Variants in TEAD1 observed in about 807,000 individuals in gnomAD.
The protein encoded by TEAD1 is transcriptional enhancer factor TEF-1.
A neutral mutation model predicts 54.9 loss-of-function variants in TEAD1; 9 were observed. That is an observed-to-expected ratio of 0.16 (90% confidence interval 0.10 to 0.29). The LOEUF is 0.29. TEAD1 is among the 10% of genes least tolerant of loss of function. TEAD1 has a pLI of 1.00. For missense variants in TEAD1, 387 were observed against 535.9 expected (o/e 0.72, Z 2.74); for synonymous variants, 200 against 187.8 (o/e 1.07, Z -0.53).
intron 2 of TEAD1, among the ~76,000 whole-genome samples, chr11:12,681,237 C>G (rs576236211): frequency 6.6e-6 from 1 of 152,088 alleles, no homozygotes. Flanking sequence ...TTGTCTGAGC[C>G]GAGAAATTCT....
At chr11:12,919,489 T>A (rs1242740652) in intron 10 of TEAD1, among the ~76,000 whole-genome samples, 3 of 152,172 alleles carry the variant, frequency 2.0e-5, no homozygotes, top group African/African-American at 7.2e-5. Flanking sequence ...TAGTGTTGAA[T>A]TTTTTTAATT....
At chr11:12,801,706 C>A (rs1259780840) in intron 3 of TEAD1, among the ~76,000 whole-genome samples, 1 of 152,162 alleles carries the variant, frequency 6.6e-6, no homozygotes, top group African/African-American at 2.4e-5. Context: ...GTTGGACTTT[C>A]CTGAAGATGT....
chr11:12,795,945 G>C (rs540713304), intron 3 of TEAD1, among the ~76,000 whole-genome samples: 1 of 152,200 alleles, frequency 6.6e-6, no homozygotes, highest in Non-Finnish European at 1.5e-5. Flanking sequence ...AAGCTGCCCA[G>C]ATTATTCTGA....
chr11:12,883,788 T>C (rs4757961), intron 9 of TEAD1, among the ~76,000 whole-genome samples: 95,309 of 151,222 alleles, frequency 0.63, 30,731 homozygotes, highest in East Asian at 0.98. Flanking sequence ...CCGAGGCAGG[T>C]GGATCACGAG....
chr11:12,874,121 T>G (rs117524963), intron 5 of TEAD1, among the ~76,000 whole-genome samples: 3 of 152,220 alleles, frequency 2.0e-5, no homozygotes, highest in African/African-American at 2.4e-5. Flanking sequence ...ATAAACTGTT[T>G]GGAATATATT....
chr11:12,725,306 C>A (rs896746168), intron 2 of TEAD1, among the ~76,000 whole-genome samples: 4 of 152,196 alleles, frequency 2.6e-5, no homozygotes, highest in African/African-American at 9.7e-5. Context: ...CCTGACCTTA[C>A]AATTTCTTTA....
chr11:12,774,673 G>A (rs1050469502), intron 3 of TEAD1, among the ~76,000 whole-genome samples: 1 of 152,214 alleles, frequency 6.6e-6, no homozygotes, highest in Non-Finnish European at 1.5e-5. Flanking sequence ...TGGTAAGTCA[G>A]CATGTTTCTT....
intron 3 of TEAD1, among the ~76,000 whole-genome samples, chr11:12,782,874 G>A (rs2133950515): frequency 6.6e-6 from 1 of 152,274 alleles, no homozygotes; most frequent in Middle Eastern, 3.4e-3. Flanking sequence ...GGTAGGAGCT[G>A]AGTGCTGCTT....
chr11:12,741,750 C>T (rs1328148109), intron 2 of TEAD1, among the ~76,000 whole-genome samples: 1 of 152,162 alleles, frequency 6.6e-6, no homozygotes, highest in Non-Finnish European at 1.5e-5. Context: ...TTTTTTCCCC[C>T]TGCCTTGCAG....
intron 3 of TEAD1, among the ~76,000 whole-genome samples, chr11:12,857,578 CTGTGTGTGTGTGTGTG>C (rs10694132): frequency 2.1e-5 from 3 of 145,750 alleles, no homozygotes; most frequent in Admixed American, 1.4e-4. Flanking sequence ...CTCTCTGTCT[CTGTGTGTGTGTGTGTG>C]TGTGTGTGTG....
chr11:12,829,196 G>A (rs1229959313), intron 3 of TEAD1, among the ~76,000 whole-genome samples: 1 of 152,168 alleles, frequency 6.6e-6, no homozygotes, highest in Non-Finnish European at 1.5e-5. Flanking sequence ...AGACCCTAAA[G>A]AAGGTGCATG....
At chr11:12,862,924 C>T (rs561678930) in intron 4 of TEAD1, among the ~76,000 whole-genome samples, 4 of 152,118 alleles carry the variant, frequency 2.6e-5, no homozygotes, top group East Asian at 3.9e-4. Context: ...TGCCTTTCCT[C>T]GTTCTTTCAG....
At chr11:12,824,348 C>G (rs1036335528) in intron 3 of TEAD1, among the ~76,000 whole-genome samples, 11 of 152,280 alleles carry the variant, frequency 7.2e-5, no homozygotes, top group African/African-American at 2.2e-4. Flanking sequence ...GTGCTGTGCT[C>G]CAGGCTGGAA....
chr11:12,795,676 A>G (rs1481693723), intron 3 of TEAD1, among the ~76,000 whole-genome samples: 1 of 152,202 alleles, frequency 6.6e-6, no homozygotes, highest in East Asian at 1.9e-4. Flanking sequence ...CAACATCAGC[A>G]TCACCTGAGA....
intron 2 of TEAD1, among the ~76,000 whole-genome samples, chr11:12,678,819 T>C (rs1943152138): frequency 6.6e-6 from 1 of 152,252 alleles, no homozygotes; most frequent in Non-Finnish European, 1.5e-5. Context: ...TCGTGGTCCA[T>C]ATTTGAATTT....
intron 2 of TEAD1, among the ~76,000 whole-genome samples, chr11:12,688,933 T>C (rs941208055): frequency 6.6e-6 from 1 of 152,206 alleles, no homozygotes; most frequent in African/African-American, 2.4e-5. Context: ...ATTTGCCTTT[T>C]CGTCTTCCTC....
At chr11:12,800,397 G>GT (rs1564944256) in intron 3 of TEAD1, among the ~76,000 whole-genome samples, 1 of 152,216 alleles carries the variant, frequency 6.6e-6, no homozygotes, top group Admixed American at 6.5e-5. Flanking sequence ...AGGTACTGTG[G>GT]TAGGTGCTCT....
intron 9 of TEAD1, among the ~76,000 whole-genome samples, chr11:12,898,339 T>C (rs1180324655): frequency 6.6e-6 from 1 of 152,098 alleles, no homozygotes; most frequent in Non-Finnish European, 1.5e-5. Flanking sequence ...CTAGTGAATG[T>C]CACATGATAA....
chr11:12,709,755 G>A (rs142019029), intron 2 of TEAD1, among the ~76,000 whole-genome samples: 301 of 152,160 alleles, frequency 2.0e-3, no homozygotes, highest in Admixed American at 3.7e-3. Flanking sequence ...ACTCCTGGTC[G>A]TTAACCCAAG....
Sources: allele counts gnomAD v4.1 joint callset (sites outside exome capture counted in the v4.1 genomes callset), GRCh38; gene constraint gnomAD v4.1.1; transcripts MANE v1.5; gene names NCBI Gene and HGNC (gene_info 2026-07-23, HGNC 2026-07-21).